TNFRSF10B: variants seen among roughly 807,000 people sequenced by gnomAD.
TNFRSF10B encodes TNF receptor superfamily member 10b.
In TNFRSF10B, 35 loss-of-function variants were observed where a neutral mutation model predicts 41.4. That is an observed-to-expected ratio of 0.85 (90% CI 0.65 to 1.12). The LOEUF (loss-of-function observed/expected upper bound fraction) is 1.12. Among genes scored for constraint, TNFRSF10B ranks in the 50% most tolerant of loss-of-function variants. TNFRSF10B has a pLI of 0.00. For missense variants in TNFRSF10B, 584 were observed against 552.7 expected (o/e 1.06, Z -0.57); for synonymous variants, 230 against 215.5 (o/e 1.07, Z -0.59).
intron 1 of TNFRSF10B, chr8:23,068,256 C>CATTA: frequency 5.7e-6 from 1 of 176,710 alleles, no homozygotes; most frequent in Non-Finnish European, 1.2e-5. Flanking sequence ...GCCGCAGCGA[C>CATTA]CACAGGGGAG....
At chr8:23,057,846 C>T (rs1344674869) in intron 1 of TNFRSF10B, among the ~76,000 whole-genome samples, 1 of 152,180 alleles carries the variant, frequency 6.6e-6, no homozygotes, top group East Asian at 1.9e-4. Context: ...TTAAAATCCA[C>T]CTCATATGAT....
At chr8:23,054,203 TGAA>T (rs1171394465) in intron 1 of TNFRSF10B, among the ~76,000 whole-genome samples, 1 of 152,220 alleles carries the variant, frequency 6.6e-6, no homozygotes, top group African/African-American at 2.4e-5. Flanking sequence ...TGATGACTCT[TGAA>T]GAGTTAAAAT....
chr8:23,059,233 T>C (rs576086271), intron 1 of TNFRSF10B, among the ~76,000 whole-genome samples: 3 of 152,372 alleles, frequency 2.0e-5, no homozygotes, highest in Admixed American at 1.3e-4. Context: ...ACATTATCTA[T>C]TGATCTGTCC....
At chr8:23,053,488 A>G (rs1023187362) in intron 1 of TNFRSF10B, among the ~76,000 whole-genome samples, 4 of 91,160 alleles carry the variant, frequency 4.4e-5, no homozygotes, top group African/African-American at 1.5e-4. Context: ...GGATAAAATA[A>G]AAATGAAAGT....
intron 8 of TNFRSF10B, among the ~76,000 whole-genome samples, chr8:23,023,750 G>C (rs879716012): frequency 1.3e-5 from 2 of 152,184 alleles, no homozygotes; most frequent in African/African-American, 4.8e-5. Context: ...AATTATGAGT[G>C]AAATATTTTC....
chr8:23,022,257 G>A lies in TNFRSF10B; in HGVS notation c.*414C>T, dbSNP rs923373832. ...CCTGGGAGACAGAGTGAACTGCCCC[G>A]CACCCCCCACCCAAAAAAGGTTCAT... On this transcript the variant is annotated 3_prime_UTR_variant, in exon 9 of 9. Coordinates refer to ENST00000276431, the MANE Select transcript of TNFRSF10B (RefSeq NM_003842.5). 3.1e-5 allele frequency: 14 copies of A among 453,428 alleles called. No individual in the cohort carries two copies. The highest frequency in any genetic ancestry group is 6.0e-5 in the African/African-American group (3 of 49,928). The allele number at this position is 453,428 out of a possible 1,614,324, so 28.1% of individuals were successfully genotyped here.
chr8:23,067,493 C>T (rs1247731872), intron 1 of TNFRSF10B, among the ~76,000 whole-genome samples: 1 of 151,722 alleles, frequency 6.6e-6, no homozygotes, highest in Non-Finnish European at 1.5e-5. Flanking sequence ...CACTGCAAAC[C>T]AGTGCTAAGA....
intron 1 of TNFRSF10B, among the ~76,000 whole-genome samples, chr8:23,048,467 CAGA>C (rs1812429940): frequency 6.8e-6 from 1 of 147,742 alleles, no homozygotes; most frequent in Non-Finnish European, 1.5e-5. Context: ...CAACTGAACT[CAGA>C]AGCAGAGAAT....
Position 23,068,943 on chromosome 8 carries a change from C to T in TNFRSF10B, c.-49G>A, listed in dbSNP as rs1813089660. 1.2e-6 allele frequency: 2 copies of T among 1,612,872 alleles called. No individual in the cohort carries two copies. Among genetic ancestry groups the T allele is most frequent in the Admixed American group, 1.7e-5 (1 of 60,016 alleles). On this transcript the variant is annotated 5_prime_UTR_variant, in exon 1 of 9. Coordinates refer to ENST00000276431, the MANE Select transcript of TNFRSF10B (RefSeq NM_003842.5). ...TCTCTCAGGCCCGTGGGTTTCAGCCCTTAAAGTAGATCGGGCATCGTCGGT... is the reference window on the plus strand; with the variant it reads ...TCTCTCAGGCCCGTGGGTTTCAGCCTTTAAAGTAGATCGGGCATCGTCGGT...
Position 23,020,451 on chromosome 8 carries a change from T to C in TNFRSF10B, c.*2220A>G, listed in dbSNP as rs540174919. 137 of 454,066 alleles carry C rather than the reference T, an allele frequency of 3.0e-4. No individual in the cohort carries two copies. Among genetic ancestry groups the C allele is most frequent in the African/African-American group, 2.2e-3 (111 of 50,116 alleles). The allele number at this position is 454,066 out of a possible 1,614,324, so 28.1% of individuals were successfully genotyped here. ...TGGCTCACGCCTGTAATCCCAGCAC[T>C]TTCGGAGGCCAAGGTGGATCACCTG... On this transcript the variant is annotated 3_prime_UTR_variant, in exon 9 of 9. Coordinates refer to ENST00000276431, the MANE Select transcript of TNFRSF10B (RefSeq NM_003842.5).
At chr8:23,064,556 G>T (rs911679588) in intron 1 of TNFRSF10B, among the ~76,000 whole-genome samples, 1 of 152,054 alleles carries the variant, frequency 6.6e-6, no homozygotes, top group Admixed American at 6.6e-5. Flanking sequence ...GGAGGTCAGG[G>T]GTTTGGCTTA....
In TNFRSF10B at chr8:23,022,066, C is replaced by A. The variant is rs144967409; in HGVS notation, c.*605G>T. 3.5e-4 allele frequency: 156 copies of A among 440,850 alleles called. No individual in the cohort carries two copies. Among genetic ancestry groups the A allele is most frequent in the African/African-American group, 2.9e-3 (144 of 49,374 alleles). 27.3% of individuals were successfully genotyped at this position (440,850 alleles called of 1,614,324 possible). On this transcript the variant is annotated 3_prime_UTR_variant, in exon 9 of 9. Transcript: ENST00000276431. ...TTGAGTCCAGGAATTCGAGACCACC[C>A]TGAGCAACATAGAGAGCCCCTATAT...
chr8:23,033,059 A>G (rs1296762032), intron 2 of TNFRSF10B, among the ~76,000 whole-genome samples: 8 of 152,220 alleles, frequency 5.3e-5, no homozygotes, highest in Middle Eastern at 3.2e-3. Flanking sequence ...AGTGGGTAAC[A>G]TATTTAAAGT....
chr8:23,056,646 A>G (rs1029724949), intron 1 of TNFRSF10B, among the ~76,000 whole-genome samples: 3 of 137,074 alleles, frequency 2.2e-5, no homozygotes, highest in Non-Finnish European at 3.2e-5. Flanking sequence ...GCAAGACTCC[A>G]TCTCAAAAAA....
chr8:23,049,764 C>T (rs374743146), intron 1 of TNFRSF10B: 1 of 152,058 alleles, frequency 6.6e-6, no homozygotes, highest in African/African-American at 2.4e-5. Flanking sequence ...CATTATTGGG[C>T]AGTGAGATTC....
chr8:23,039,487 T>C (rs542126130), intron 2 of TNFRSF10B, among the ~76,000 whole-genome samples: 103 of 152,252 alleles, frequency 6.8e-4, no homozygotes, highest in African/African-American at 2.3e-3. Context: ...ATTGAGGCTT[T>C]CAACTGATTA....
Position 23,029,669 on chromosome 8 carries a change from G to C in TNFRSF10B, c.417C>G (p.Cys139Trp). ...CTTCTTCCCGGAAGGTGCCTTCTTC[G>C]CACTGACACACTGTGTTTCTGGTCG... ...CTTTRNTVCQ[C>W]EEGTFREEDS... Residue 139 changes from cysteine to tryptophan, a missense_variant, in exon 4 of 9, where the codon TGC becomes TGG. Cys to Trp is a radical substitution (Grantham distance 215). Coordinates refer to ENST00000276431, the MANE Select transcript of TNFRSF10B (RefSeq NM_003842.5). The C allele has an allele frequency of 6.2e-7, 1 of 1,613,920 alleles. No individual in the cohort carries two copies. Among genetic ancestry groups the C allele is most frequent in the Non-Finnish European group, 8.5e-7 (1 of 1,179,960 alleles).
chr8:23,063,885 T>C (rs1210514596), intron 1 of TNFRSF10B, among the ~76,000 whole-genome samples: 6 of 152,254 alleles, frequency 3.9e-5, no homozygotes, highest in Non-Finnish European at 1.5e-5. Context: ...TCCTCTGTTC[T>C]GTCCTCAGCC....
intron 1 of TNFRSF10B, among the ~76,000 whole-genome samples, chr8:23,045,060 C>CA (rs35953846): frequency 0.16 from 6,288 of 38,908 alleles, 574 homozygotes; most frequent in East Asian, 0.46. Flanking sequence ...TAATAAAATA[C>CA]AAAAAAAAAA....
Sources: allele counts gnomAD v4.1 joint callset (sites outside exome capture counted in the v4.1 genomes callset), GRCh38; gene constraint gnomAD v4.1.1; transcripts MANE v1.5; gene names NCBI Gene and HGNC (gene_info 2026-07-23, HGNC 2026-07-21).